Variants in OBI1 observed in about 807,000 individuals in gnomAD.
The protein encoded by OBI1 is ORC ubiquitin ligase 1.
A neutral mutation model predicts 62.4 loss-of-function variants in OBI1; 59 were observed. The ratio of observed to expected loss-of-function variants is 0.95; its 90% confidence interval spans 0.77 to 1.17. The LOEUF (loss-of-function observed/expected upper bound fraction) is 1.17, where lower values mean the gene tolerates loss of function less well. Among genes scored for constraint, OBI1 ranks in the 50% most tolerant of loss-of-function variants. OBI1 has a pLI of 0.00. For missense variants in OBI1, 875 were observed against 830.9 expected (o/e 1.05, Z -0.65); for synonymous variants, 302 against 292.8 (o/e 1.03, Z -0.32).
intron 1 of OBI1, 64 bp downstream of exon 1, chr13:78,658,985 C>T (rs1380474252): frequency 1.4e-6 from 2 of 1,462,792 alleles, no homozygotes; most frequent in South Asian, 1.2e-5. Context: ...ACGAGACGGC[C>T]CTCGGCCCCG....
intron 4 of OBI1, among the ~76,000 whole-genome samples, chr13:78,637,582 G>A (rs1876068242): frequency 6.6e-6 from 1 of 152,180 alleles, no homozygotes; most frequent in African/African-American, 2.4e-5. Context: ...AATGGCTCAA[G>A]AAGAACCAGG....
chr13:78,614,343 A>T lies in OBI1; in HGVS notation c.*1237T>A, dbSNP rs1228022633. ...TCACATAGAAAAGCATGCAGTATTA[A>T]TGTAAAACAGTACAATATTAATGTA... is the stretch of plus-strand genomic sequence containing the variant. On this transcript the variant is annotated 3_prime_UTR_variant, in exon 6 of 6. Coordinates refer to ENST00000282003, the MANE Select transcript of OBI1 (RefSeq NM_024546.4). 6.5e-6 allele frequency: 1 copy of T among 152,680 alleles called. No individual in the cohort carries two copies. The highest frequency in any genetic ancestry group is 1.5e-5 in the Non-Finnish European group (1 of 68,046). The allele number at this position is 152,680 out of a possible 1,614,324, so 9.5% of individuals were successfully genotyped here. A position where few individuals can be genotyped will look rare whatever the true frequency, so the allele number is the denominator to read the frequency against.
intron 4 of OBI1, 111 bp downstream of exon 4, chr13:78,638,712 C>T: frequency 1.0e-6 from 1 of 985,656 alleles, no homozygotes; most frequent in Admixed American, 2.5e-5. Flanking sequence ...GAGATTCTGT[C>T]CTTTCCTCAC....
chr13:78,642,457 T>G (rs1876248382), intron 2 of OBI1, among the ~76,000 whole-genome samples: 1 of 152,140 alleles, frequency 6.6e-6, no homozygotes, highest in Admixed American at 6.6e-5. Context: ...TATCTACATA[T>G]CTTATCACAG....
chr13:78,648,126 A>T (rs1876437756), intron 1 of OBI1, among the ~76,000 whole-genome samples: 1 of 151,870 alleles, frequency 6.6e-6, no homozygotes, highest in Non-Finnish European at 1.5e-5. Flanking sequence ...TGCAGGTTCT[A>T]TTTTTTTTCT....
rs376740140 is a variant in OBI1, at chr13:78,659,144, C to T, written c.-24G>A. On this transcript the variant is annotated 5_prime_UTR_variant, in exon 1 of 6. Transcript: ENST00000282003. ...ATGGCAGCGTTCAGAATCCCGCCAA[C>T]ACGGAAGTCCCGCCGACCTACCGCT... 1 of 1,605,958 alleles carries T rather than the reference C, an allele frequency of 6.2e-7. No homozygotes were observed. Among genetic ancestry groups the T allele is most frequent in the African/African-American group, 1.3e-5 (1 of 74,598 alleles).
chr13:78,654,027 A>AG (rs1487103763), intron 1 of OBI1, among the ~76,000 whole-genome samples: 5 of 45,940 alleles, frequency 1.1e-4, no homozygotes, highest in Admixed American at 3.5e-4. Flanking sequence ...CTATAACTTA[A>AG]GGAAAAAAAA....
chr13:78,654,765 C>T (rs1876646366), intron 1 of OBI1, among the ~76,000 whole-genome samples: 1 of 152,128 alleles, frequency 6.6e-6, no homozygotes, highest in African/African-American at 2.4e-5. Context: ...GTTATTTCAG[C>T]CAGAACACTT....
In OBI1 at chr13:78,616,316, C is replaced by T. The variant is rs1227266513; in HGVS notation, c.1445G>A (p.Ser482Asn). 4 of 1,613,958 alleles carry T rather than the reference C, an allele frequency of 2.5e-6. No homozygotes were observed. Among genetic ancestry groups the T allele is most frequent in the Admixed American group, 1.7e-5 (1 of 59,988 alleles). ...ATTTGCTATCGTGTTCCCCTCTGAA[C>T]TTTCAAAATCTAAGTTTTGGGCATA... ...TSYAQNLDFE[S>N]SEGNTIANSV... The change falls in exon 6 of 6, where the codon AGT (serine) becomes AAT (asparagine). Residue 482 changes from serine to asparagine, a missense_variant. Transcript: ENST00000282003.
At position 78,616,127 on chromosome 13, in the gene OBI1, A is replaced by G; in HGVS notation, c.1634T>C (p.Met545Thr). The G allele has an allele frequency of 6.2e-7, 1 of 1,614,172 alleles. No individual in the cohort carries two copies. Among genetic ancestry groups the G allele is most frequent in the South Asian group, 1.1e-5 (1 of 91,080 alleles). The change falls in exon 6 of 6, where the codon ATG (methionine) becomes ACG (threonine). Residue 545 changes from methionine to threonine, a missense_variant. Physicochemically the swap from Met to Thr is moderately conservative, Grantham distance 81. Transcript: ENST00000282003. ...LDKISELDSM[M>T]SESDNSKSPC... The stretch of plus-strand genomic sequence containing the variant: ...GCTCTTGCTGTTGTCTGACTCTGAC[A>G]TCATTGAATCCAACTCAGAGATTTT...
rs1409457358 is a variant in OBI1, at chr13:78,617,184, G to C, written c.639-62C>G. The C allele has an allele frequency of 3.8e-6, 5 of 1,318,088 alleles. No homozygotes were observed. The African/African-American group carries it at 5.9e-5, about 16-fold the overall frequency. The allele number at this position is 1,318,088 out of a possible 1,614,324, so 81.6% of individuals were successfully genotyped here. A position where few individuals can be genotyped will look rare whatever the true frequency, so the allele number is the denominator to read the frequency against. ...AAGCTTTTTTCTTTTCAAGGTTTGA[G>C]AGTGCAAACTGTCCCAGGCTATTCT... is the stretch of plus-strand genomic sequence containing the variant. On this transcript the variant is annotated intron_variant, in intron 5 of 5. Transcript: ENST00000282003.
chr13:78,655,478 G>A (rs764563405), intron 1 of OBI1, among the ~76,000 whole-genome samples: 9 of 152,260 alleles, frequency 5.9e-5, no homozygotes, highest in Non-Finnish European at 8.8e-5. Context: ...ACATTATTGG[G>A]TAGAGAAAAT....
chr13:78,621,590 G>T (rs1427920337), intron 5 of OBI1, among the ~76,000 whole-genome samples: 1 of 152,190 alleles, frequency 6.6e-6, no homozygotes, highest in Non-Finnish European at 1.5e-5. Context: ...TGATAACATT[G>T]GAAGTGAAAT....
chr13:78,620,814 C>T (rs919791073), intron 5 of OBI1: 4 of 345,716 alleles, frequency 1.2e-5, no homozygotes, highest in South Asian at 6.8e-5. Context: ...AAAAACAGGA[C>T]GTGTTTGAAG....
rs568673831 is a variant in OBI1, at chr13:78,615,366, C to T, written c.*214G>A. ...TAACCTCCTCCCTAACTTCTCTGGT[C>T]ACAAAGACTCCCAAATAAAAATGAA... On this transcript the variant is annotated 3_prime_UTR_variant, in exon 6 of 6. Coordinates refer to ENST00000282003, the MANE Select transcript of OBI1 (RefSeq NM_024546.4). The T allele has an allele frequency of 1.7e-4, 68 of 392,624 alleles. No individual in the cohort carries two copies. Among genetic ancestry groups the T allele is most frequent in the African/African-American group, 1.3e-3 (61 of 48,286 alleles). 24.3% of individuals were successfully genotyped at this position (392,624 alleles called of 1,614,324 possible).
chr13:78,621,282 A>G (rs1004877589), intron 5 of OBI1, among the ~76,000 whole-genome samples: 13 of 152,362 alleles, frequency 8.5e-5, no homozygotes, highest in African/African-American at 3.1e-4. Flanking sequence ...CCACACCATT[A>G]TTAATGAGTA....
chr13:78,636,510 C>T (rs1335526758), intron 4 of OBI1, among the ~76,000 whole-genome samples: 1 of 152,164 alleles, frequency 6.6e-6, no homozygotes, highest in Non-Finnish European at 1.5e-5. Flanking sequence ...GACTGTATTA[C>T]TTACTTACCC....
At position 78,644,914 on chromosome 13, in the gene OBI1, A is replaced by T; in HGVS notation, c.156T>A (p.Cys52Ter). 6.2e-7 allele frequency: 1 copy of T among 1,614,082 alleles called. No individual in the cohort carries two copies. Among genetic ancestry groups the T allele is most frequent in the South Asian group, 1.1e-5 (1 of 91,072 alleles). The stretch of plus-strand genomic sequence containing the variant: ...GAGTGATGGGGACTCTGCAAGCTGG[A>T]CACTGGCTATTATTCTTCAACCACA... ...IDLWLKNNSQ[C>*]PACRVPITPE... The change falls in exon 2 of 6, where the codon TGT (cysteine) becomes TGA (stop). Residue 52 changes from cysteine to a stop codon, truncating the protein, a stop_gained. Coordinates refer to ENST00000282003, the MANE Select transcript of OBI1 (RefSeq NM_024546.4). LOFTEE classifies it high-confidence loss of function.
At chr13:78,657,298 AAC>A (rs1491386417) in intron 1 of OBI1, among the ~76,000 whole-genome samples, 1 of 151,808 alleles carries the variant, frequency 6.6e-6, no homozygotes, top group African/African-American at 2.4e-5. Context: ...GGAAAAAAAA[AAC>A]ACTAAAAATG....
Sources: allele counts gnomAD v4.1 joint callset (sites outside exome capture counted in the v4.1 genomes callset), GRCh38; gene constraint gnomAD v4.1.1; transcripts MANE v1.5; gene names NCBI Gene and HGNC (gene_info 2026-07-23, HGNC 2026-07-21).